SEC22A: variants seen among roughly 807,000 people sequenced by gnomAD.
SEC22A encodes the protein SEC22 homolog A, vesicle trafficking protein.
A neutral mutation model predicts 35.3 loss-of-function variants in SEC22A; 22 were observed. That is an observed-to-expected ratio of 0.62 (90% CI 0.45 to 0.89). The LOEUF (loss-of-function observed/expected upper bound fraction) is 0.89. Among genes scored for constraint, SEC22A ranks in the 40% least tolerant of loss-of-function variants. SEC22A has a pLI of 0.00. For missense variants in SEC22A, 354 were observed against 362.5 expected (o/e 0.98, Z 0.19); for synonymous variants, 119 against 129.5 (o/e 0.92, Z 0.55).
At chr3:123,239,158 G>A (rs1937480409) in intron 4 of SEC22A, among the ~76,000 whole-genome samples, 1 of 152,104 alleles carries the variant, frequency 6.6e-6, no homozygotes, top group Non-Finnish European at 1.5e-5. Context: ...ATGGTGAGGA[G>A]GAGATGACTG....
At chr3:123,233,135 G>GA (rs1236649204) in intron 4 of SEC22A, among the ~76,000 whole-genome samples, 1 of 152,006 alleles carries the variant, frequency 6.6e-6, no homozygotes, top group East Asian at 1.9e-4. Flanking sequence ...GTCTCTAAAA[G>GA]AAAAAATTAC....
At chr3:123,209,723 T>A (rs930716211) in intron 2 of SEC22A, among the ~76,000 whole-genome samples, 1 of 152,230 alleles carries the variant, frequency 6.6e-6, no homozygotes, top group South Asian at 2.1e-4. Flanking sequence ...TTACCTGATA[T>A]CTGCCCTCAA....
intron 2 of SEC22A, among the ~76,000 whole-genome samples, chr3:123,221,413 G>A (rs1937120336): frequency 6.9e-6 from 1 of 144,508 alleles, no homozygotes. Flanking sequence ...GGAGGTTGCA[G>A]TGAGCCGAGA....
chr3:123,242,755 A>G (rs1401145592), intron 4 of SEC22A, among the ~76,000 whole-genome samples: 1 of 152,204 alleles, frequency 6.6e-6, no homozygotes, highest in Non-Finnish European at 1.5e-5. Flanking sequence ...TTGACAGATG[A>G]GAAAGTTTAG....
At chr3:123,221,157 G>T (rs1347985446) in intron 2 of SEC22A, among the ~76,000 whole-genome samples, 1 of 151,580 alleles carries the variant, frequency 6.6e-6, no homozygotes, top group African/African-American at 2.4e-5. Flanking sequence ...GACCAGTATG[G>T]ATCAGAATTT....
chr3:123,246,480 C>A (rs1398930444), intron 5 of SEC22A, among the ~76,000 whole-genome samples: 1 of 152,194 alleles, frequency 6.6e-6, no homozygotes, highest in Non-Finnish European at 1.5e-5. Context: ...TATTCCACTT[C>A]TGTGTATTCC....
chr3:123,208,870 C>G (rs896975723), intron 1 of SEC22A: 1 of 258,036 alleles, frequency 3.9e-6, no homozygotes, highest in Non-Finnish European at 7.6e-6. Flanking sequence ...TTTCGGCTCA[C>G]TGCAACCTCT....
chr3:123,239,346 G>T (rs974064167), intron 4 of SEC22A, among the ~76,000 whole-genome samples: 1 of 152,080 alleles, frequency 6.6e-6, no homozygotes, highest in Non-Finnish European at 1.5e-5. Context: ...TGCACAATGT[G>T]CAGGTTAGTT....
At chr3:123,259,472 G>A in intron 5 of SEC22A, 52 bp from the exon 6 acceptor site, 1 of 1,293,230 alleles carries the variant, frequency 7.7e-7, no homozygotes, top group Admixed American at 1.8e-5. Context: ...GATTGTTTCT[G>A]GAAATGGGCT....
At chr3:123,231,280 A>G (rs1209589475) in intron 4 of SEC22A, among the ~76,000 whole-genome samples, 7 of 152,180 alleles carry the variant, frequency 4.6e-5, no homozygotes, top group African/African-American at 1.7e-4. Flanking sequence ...AAAATAGAAG[A>G]CTTGAACACC....
chr3:123,206,605 A>T (rs199827605), intron 1 of SEC22A, among the ~76,000 whole-genome samples: 1 of 151,486 alleles, frequency 6.6e-6, no homozygotes, highest in South Asian at 2.1e-4. Context: ...TAAAAAAAAA[A>T]TTAAAGAGGG....
At chr3:123,212,350 AT>A (rs1204287374) in intron 2 of SEC22A, among the ~76,000 whole-genome samples, 1 of 152,086 alleles carries the variant, frequency 6.6e-6, no homozygotes, top group African/African-American at 2.4e-5. Flanking sequence ...ACCTACTTCT[AT>A]TTTTTTAGAG....
chr3:123,225,208 A>T lies in SEC22A; in HGVS notation c.452A>T (p.Tyr151Phe). 6.2e-7 allele frequency: 1 copy of T among 1,613,728 alleles called. No homozygotes were observed. The highest frequency in any genetic ancestry group is 2.2e-5 in the East Asian group (1 of 44,876). The change falls in exon 4 of 7, where the codon TAT becomes TTT. Residue 151 changes from tyrosine (Y) to phenylalanine (F), a missense_variant. Tyr to Phe is a conservative substitution (Grantham distance 22, BLOSUM62 3). Coordinates refer to ENST00000492595, the MANE Select transcript of SEC22A (RefSeq NM_012430.5). ...MQTEIKLRPP[Y>F]QISMCELGSA... ...ACGGAAATCAAGCTGAGGCCTCCTT[A>T]TCAAATTTCCATGTGCGAACTGGGG...
intron 4 of SEC22A, among the ~76,000 whole-genome samples, chr3:123,242,611 C>T (rs1332651006): frequency 2.0e-5 from 3 of 152,056 alleles, no homozygotes; most frequent in African/African-American, 7.2e-5. Flanking sequence ...CAGTCTTTTG[C>T]AGTGACTCTC....
intron 4 of SEC22A, among the ~76,000 whole-genome samples, chr3:123,239,097 C>A (rs1445944903): frequency 6.6e-6 from 1 of 151,952 alleles, no homozygotes; most frequent in Non-Finnish European, 1.5e-5. Context: ...ATGCACAAAT[C>A]TTTGCTGTGT....
chr3:123,242,522 C>CTTTTTT (rs1937533454), intron 4 of SEC22A, among the ~76,000 whole-genome samples: 5 of 147,160 alleles, frequency 3.4e-5, no homozygotes, highest in Non-Finnish European at 4.5e-5. Flanking sequence ...TTAATTTTAG[C>CTTTTTT]TTTATTCTTT....
chr3:123,214,064 G>C (rs1410084637), intron 2 of SEC22A, among the ~76,000 whole-genome samples: 1 of 151,946 alleles, frequency 6.6e-6, no homozygotes, highest in Non-Finnish European at 1.5e-5. Flanking sequence ...GTGTGGTGAT[G>C]GACATCTCTA....
intron 4 of SEC22A, among the ~76,000 whole-genome samples, chr3:123,229,153 G>A (rs1937268110): frequency 1.3e-5 from 2 of 152,002 alleles, no homozygotes; most frequent in African/African-American, 4.8e-5. Flanking sequence ...AACTCCAAAT[G>A]GGATACACAC....
chr3:123,246,523 T>C (rs1005292504), intron 5 of SEC22A, among the ~76,000 whole-genome samples: 1 of 152,238 alleles, frequency 6.6e-6, no homozygotes, highest in African/African-American at 2.4e-5. Context: ...TTTCTTTTTT[T>C]GTTAGTGGCT....
Sources: allele counts gnomAD v4.1 joint callset (sites outside exome capture counted in the v4.1 genomes callset), GRCh38; gene constraint gnomAD v4.1.1; transcripts MANE v1.5; gene names NCBI Gene and HGNC (gene_info 2026-07-23, HGNC 2026-07-21).